Variants in GRM7 observed in about 807,000 individuals in gnomAD.
GRM7 encodes metabotropic glutamate receptor 7.
GRM7 carries 35 observed loss-of-function variants against 84.5 expected under a neutral mutation model. The ratio of observed to expected loss-of-function variants is 0.41; its 90% confidence interval spans 0.32 to 0.55. The LOEUF is 0.55. Among genes scored for constraint, GRM7 ranks in the 20% least tolerant of loss-of-function variants. The pLI, the probability that GRM7 is intolerant of heterozygous loss-of-function variation, is 0.19. For missense variants in GRM7, 1,003 were observed against 1,194.6 expected (o/e 0.84, Z 2.36); for synonymous variants, 487 against 455.1 (o/e 1.07, Z -0.89).
At chr3:7,467,346 C>G (rs1698502450) in intron 7 of GRM7, among the ~76,000 whole-genome samples, 2 of 152,290 alleles carry the variant, frequency 1.3e-5, no homozygotes, top group Admixed American at 6.5e-5. Context: ...CTGAGCCTCC[C>G]AAAGTGCTGG....
chr3:7,483,714 C>T (rs1340826768), intron 7 of GRM7, among the ~76,000 whole-genome samples: 3 of 151,920 alleles, frequency 2.0e-5, no homozygotes, highest in African/African-American at 7.3e-5. Flanking sequence ...GCAAGAAAGC[C>T]AGTTAGGCCA....
intron 2 of GRM7, among the ~76,000 whole-genome samples, chr3:7,253,692 C>A (rs889610588): frequency 2.0e-5 from 3 of 151,396 alleles, no homozygotes; most frequent in African/African-American, 4.9e-5. Context: ...GTTTTCCCAC[C>A]TTATAGCTCA....
intron 1 of GRM7, among the ~76,000 whole-genome samples, chr3:7,003,698 T>C (rs997355166): frequency 6.6e-6 from 1 of 152,244 alleles, no homozygotes; most frequent in Non-Finnish European, 1.5e-5. Flanking sequence ...TAGTAGTAAA[T>C]AATGCAATGT....
At chr3:7,022,970 AGGGG>A (rs1214493974) in intron 1 of GRM7, among the ~76,000 whole-genome samples, 12 of 152,088 alleles carry the variant, frequency 7.9e-5, no homozygotes, top group Non-Finnish European at 1.8e-4. Context: ...CCTTTTTCAC[AGGGG>A]AGAGTGGAGA....
intron 5 of GRM7, among the ~76,000 whole-genome samples, chr3:7,417,462 C>T (rs1001519935): frequency 6.6e-6 from 1 of 152,046 alleles, no homozygotes; most frequent in African/African-American, 2.4e-5. Context: ...AAAATCTTTA[C>T]ATGTAAGTAT....
At chr3:7,586,030 C>T (rs1695503662) in intron 8 of GRM7, among the ~76,000 whole-genome samples, 1 of 152,126 alleles carries the variant, frequency 6.6e-6, no homozygotes, top group Non-Finnish European at 1.5e-5. Flanking sequence ...TGCTTTGAGC[C>T]TAATCATTGT....
intron 8 of GRM7, among the ~76,000 whole-genome samples, chr3:7,597,349 A>G (rs1247243428): frequency 3.3e-5 from 5 of 152,298 alleles, no homozygotes; most frequent in Admixed American, 2.0e-4. Context: ...ACCTCTCACC[A>G]GGCCCCATCT....
intron 1 of GRM7, among the ~76,000 whole-genome samples, chr3:7,012,936 C>T (rs1249794843): frequency 6.6e-6 from 1 of 152,122 alleles, no homozygotes; most frequent in Non-Finnish European, 1.5e-5. Flanking sequence ...GACAGGGTCT[C>T]AGTATGTTGT....
intron 1 of GRM7, among the ~76,000 whole-genome samples, chr3:7,081,116 G>C (rs1698261559): frequency 6.6e-6 from 1 of 151,998 alleles, no homozygotes; most frequent in African/African-American, 2.4e-5. Flanking sequence ...TTATGGTACA[G>C]AGTCCTTGTA....
chr3:7,250,836 AT>A (rs1314975382), intron 2 of GRM7, among the ~76,000 whole-genome samples: 2 of 152,104 alleles, frequency 1.3e-5, no homozygotes, highest in African/African-American at 2.4e-5. Context: ...TATTATATAT[AT>A]TTTTTAATGG....
chr3:7,620,041 C>A (rs1165912109), intron 8 of GRM7, among the ~76,000 whole-genome samples: 1 of 152,090 alleles, frequency 6.6e-6, no homozygotes, highest in Non-Finnish European at 1.5e-5. Context: ...GTCTAACTGT[C>A]CATGTGCTTA....
intron 1 of GRM7, among the ~76,000 whole-genome samples, chr3:6,947,673 C>G (rs1360751940): frequency 1.3e-5 from 2 of 152,156 alleles, no homozygotes; most frequent in Non-Finnish European, 1.5e-5. Context: ...GACTGTGAAT[C>G]CATCTGGTCC....
chr3:7,302,662 A>C (rs1700043369), intron 3 of GRM7, among the ~76,000 whole-genome samples: 1 of 152,124 alleles, frequency 6.6e-6, no homozygotes, highest in Non-Finnish European at 1.5e-5. Context: ...AAATTAAATA[A>C]TCTTTTATCA....
intron 5 of GRM7, among the ~76,000 whole-genome samples, chr3:7,436,523 T>C (rs1417467025): frequency 6.6e-6 from 1 of 152,212 alleles, no homozygotes; most frequent in African/African-American, 2.4e-5. Context: ...ATTTGCAGCC[T>C]TCATTTTTTC....
Position 7,240,120 on chromosome 3 carries a change from GTTTTT to G in GRM7, c.737-58544_737-58540del, listed in dbSNP as rs397988598. ...TACCAGTAATCTTTTAGCATGTGAG[GTTTTT>G]TTTTTTTTTTTTTTTTTTTCCAGTG... On this transcript the variant is annotated intron_variant, in intron 2 of 9. Transcript: ENST00000357716. Among the ~76,000 whole-genome samples, 218 of 52,748 alleles carry G rather than the reference GTTTTT, an allele frequency of 4.1e-3. 1 individual carries two copies. Among genetic ancestry groups the G allele is most frequent in the African/African-American group, 0.013 (191 of 14,290 alleles). The allele number at this position is 52,748 out of a possible 152,430, so 34.6% of individuals were successfully genotyped here.
At chr3:7,338,862 T>C (rs1293409754) in intron 4 of GRM7, among the ~76,000 whole-genome samples, 1 of 151,998 alleles carries the variant, frequency 6.6e-6, no homozygotes, top group Non-Finnish European at 1.5e-5. Context: ...TTGAGGCCTA[T>C]AAACTTGGCC....
At chr3:7,606,894 G>A (rs1234686614) in intron 8 of GRM7, 2 of 152,076 alleles carry the variant, frequency 1.3e-5, no homozygotes, top group Non-Finnish European at 2.9e-5. Context: ...AGTCACTCTG[G>A]TGAAAAGAAA....
At chr3:7,351,891 T>C (rs1693164964) in intron 4 of GRM7, among the ~76,000 whole-genome samples, 2 of 151,990 alleles carry the variant, frequency 1.3e-5, no homozygotes, top group South Asian at 4.1e-4. Context: ...GACTGAGCTA[T>C]ATTAACAGCT....
At chr3:7,247,148 A>G (rs1026874408) in intron 2 of GRM7, among the ~76,000 whole-genome samples, 3 of 152,160 alleles carry the variant, frequency 2.0e-5, no homozygotes, top group African/African-American at 7.2e-5. Context: ...AACATACATG[A>G]ATATTAATCA....
Sources: allele counts gnomAD v4.1 joint callset (sites outside exome capture counted in the v4.1 genomes callset), GRCh38; gene constraint gnomAD v4.1.1; transcripts MANE v1.5; gene names NCBI Gene and HGNC (gene_info 2026-07-23, HGNC 2026-07-21).